Variants in LHX6 observed in about 807,000 individuals in gnomAD.
LHX6 encodes the protein LIM homeobox 6.
Under a neutral mutation model 47.1 loss-of-function variants are expected in LHX6, and 15 were observed. The ratio of observed to expected loss-of-function variants is 0.32; its 90% CI spans 0.21 to 0.49. The LOEUF is 0.49. Ranked by LOEUF, LHX6 falls within the 20% of genes least tolerant of loss-of-function variation. LHX6 has a pLI of 0.99. For missense variants in LHX6, 404 were observed against 539.6 expected, an observed-to-expected ratio of 0.75 and a Z score of 2.49; for synonymous variants, 242 against 233.5, an observed-to-expected ratio of 1.04 and a Z score of -0.33.
In LHX6 at chr9:122,213,845, C is replaced by G. The variant is rs1830483563; in HGVS notation, c.880-65G>C. The G allele has an allele frequency of 2.6e-6, 4 of 1,536,034 alleles. No homozygotes were observed. Among genetic ancestry groups the G allele is most frequent in the Non-Finnish European group, 2.6e-6 (3 of 1,138,626 alleles). On this transcript the variant is annotated intron_variant, in intron 7 of 9. Coordinates refer to ENST00000394319, the MANE Select transcript of LHX6 (RefSeq NM_014368.5). This position sits in a 1 kb window ranked among gnomAD's most constrained non-coding sequence, Gnocchi z 5.5. ...GAGTCGGACGCGCCGCCGGGAGACCCCAGGCGGGACTGCCTCGTCGCCTCC... is the reference window on the plus strand; with the variant it reads ...GAGTCGGACGCGCCGCCGGGAGACCGCAGGCGGGACTGCCTCGTCGCCTCC...
At position 122,226,610 on chromosome 9, in the gene LHX6, C is replaced by T. The variant is rs759175639; in HGVS notation, c.340-113G>A. 3 of 1,445,108 alleles carry T rather than the reference C, an allele frequency of 2.1e-6. No individual in the cohort carries two copies. The highest frequency in any genetic ancestry group is 9.3e-7 in the Non-Finnish European group (1 of 1,074,572). The allele number at this position is 1,445,108 out of a possible 1,614,324, so 89.5% of individuals were successfully genotyped here. ...GGCGCTGAAGCTCAGAAGGTGCATG[C>T]GATTCCCCTATTTTTCTCCCGTAAT... On this transcript the variant is annotated intron_variant, in intron 3 of 9. Transcript: ENST00000394319. This position sits in a 1 kb window ranked among gnomAD's most constrained non-coding sequence, Gnocchi z 6.5.
rs1830626772 is a variant in LHX6, at chr9:122,217,213, G to T, written c.537C>A (p.Asn179Lys). 2 of 1,614,180 alleles carry T rather than the reference G, an allele frequency of 1.2e-6. No individual in the cohort carries two copies. The highest frequency in any genetic ancestry group is 1.7e-6 in the Non-Finnish European group (2 of 1,180,036). Reference sequence around the variant, plus strand: ...AGGCGAAGCAGGCCAGGTGGTAGGCGTTGCCGCGAGCTCTCCGCACCCAGT... The same window carrying T: ...AGGCGAAGCAGGCCAGGTGGTAGGCTTTGCCGCGAGCTCTCCGCACCCAGT... The part of the protein sequence containing the change: ...ASDWVRRARG[N>K]AYHLACFACF... The change falls in exon 5 of 10, where the codon AAC (asparagine) becomes AAA (lysine). Residue 179 changes from asparagine (N) to lysine (K), a missense_variant. Transcript: ENST00000394319. This position sits in a 1 kb window ranked among gnomAD's most constrained non-coding sequence, Gnocchi z 4.9.
chr9:122,224,437 T>C (rs935633043), intron 4 of LHX6, among the ~76,000 whole-genome samples: 8 of 152,162 alleles, frequency 5.3e-5, no homozygotes, highest in East Asian at 1.9e-4. Flanking sequence ...GATGGGACAG[T>C]GAGAGGAGAC....
intron 9 of LHX6, among the ~76,000 whole-genome samples, chr9:122,207,084 G>A (rs140801233): frequency 6.6e-6 from 1 of 152,294 alleles, no homozygotes; most frequent in East Asian, 1.9e-4. Context: ...GATCATGTCA[G>A]CTCACTTCTG....
intron 9 of LHX6, among the ~76,000 whole-genome samples, chr9:122,207,429 T>G (rs1201704284): frequency 6.6e-6 from 1 of 152,210 alleles, no homozygotes; most frequent in Non-Finnish European, 1.5e-5. Flanking sequence ...GGAATCTGTT[T>G]ATCTCTTTAC....
At position 122,204,539 on chromosome 9, in the gene LHX6, G is replaced by A. The variant is rs534499780; in HGVS notation, c.*221C>T. 6 of 435,002 alleles carry A rather than the reference G, an allele frequency of 1.4e-5. No individual in the cohort carries two copies. In the East Asian group the frequency reaches 1.8e-4, roughly 13 times the overall value. 26.9% of individuals were successfully genotyped at this position (435,002 alleles called of 1,614,324 possible). ...CTGATTCCAGATTTCAGGGAGTTCT[G>A]CCTTCCAAGAGGAGGACTCTGTGGT... On this transcript the variant is annotated 3_prime_UTR_variant, in exon 10 of 10. Transcript: ENST00000394319.
rs571314738 is a variant in LHX6, at chr9:122,203,137, T to G, written c.*1623A>C. On this transcript the variant is annotated 3_prime_UTR_variant, in exon 10 of 10. Transcript: ENST00000394319. ...TGCCCTCAGTCAGCTGTCACTGTCT[T>G]TGGAAGGGAGAGGAAGCAGGTTCCC... 11 of 152,802 alleles carry G rather than the reference T, an allele frequency of 7.2e-5. No homozygotes were observed. The highest frequency in any genetic ancestry group is 1.6e-4 in the Non-Finnish European group (11 of 68,084). The allele number at this position is 152,802 out of a possible 1,614,324, so 9.5% of individuals were successfully genotyped here. A position where few individuals can be genotyped will look rare whatever the true frequency, so the allele number is the denominator to read the frequency against.
At chr9:122,221,280 T>C in intron 4 of LHX6, 1 of 985,212 alleles carries the variant, frequency 1.0e-6, no homozygotes, top group South Asian at 4.7e-5. Flanking sequence ...TTCTCGGAGG[T>C]CCCGGCCCCG....
intron 5 of LHX6, among the ~76,000 whole-genome samples, chr9:122,216,331 C>T (rs985844285): frequency 4.6e-5 from 7 of 152,334 alleles, no homozygotes; most frequent in African/African-American, 1.4e-4. Context: ...CATCTGTGAC[C>T]CTGTCCCCAG....
At chr9:122,208,009 A>G (rs946105439) in intron 9 of LHX6, among the ~76,000 whole-genome samples, 2 of 151,938 alleles carry the variant, frequency 1.3e-5, no homozygotes, top group African/African-American at 4.8e-5. Flanking sequence ...AGGGACTGCC[A>G]CACCCACTGA....
At chr9:122,220,104 G>A (rs1049873463) in intron 4 of LHX6, among the ~76,000 whole-genome samples, 4 of 152,210 alleles carry the variant, frequency 2.6e-5, no homozygotes, top group African/African-American at 9.6e-5. Flanking sequence ...GACTCTCCGC[G>A]CACCGCGATC....
Position 122,204,790 on chromosome 9 carries a change from G to A in LHX6, c.1159-10C>T. 1.3e-6 allele frequency: 2 copies of A among 1,573,362 alleles called. No individual in the cohort carries two copies. The highest frequency in any genetic ancestry group is 1.7e-6 in the Non-Finnish European group (2 of 1,158,276). On this transcript the variant is annotated splice_polypyrimidine_tract_variant and intron_variant, in intron 9 of 9. Coordinates refer to ENST00000394319, the MANE Select transcript of LHX6 (RefSeq NM_014368.5). ...ACTGAAAAAGGATGACCTGCAAGAGGAGGGCATGGGAGGTGGCTGAGCTGG... is the reference window on the plus strand; with the variant it reads ...ACTGAAAAAGGATGACCTGCAAGAGAAGGGCATGGGAGGTGGCTGAGCTGG...
At chr9:122,216,039 G>A (rs1588346950) in intron 5 of LHX6, among the ~76,000 whole-genome samples, 1 of 152,156 alleles carries the variant, frequency 6.6e-6, no homozygotes, top group East Asian at 1.9e-4. Flanking sequence ...TAGAGCTTAG[G>A]GCCAAGGTGG....
chr9:122,209,624 C>A lies in LHX6; in HGVS notation c.1148G>T (p.Arg383Leu), dbSNP rs774135453. ...KADMDGPLSN[R>L]GEKVILFQY ...CCTGGCTCCATTTACCTTCTCACCC[C>A]GGTTGGAGAGCGGCCCATCCATATC... is the stretch of plus-strand genomic sequence containing the variant. The change falls in exon 9 of 10, where the codon CGG (arginine) becomes CTG (leucine). Residue 383 changes from arginine to leucine, a missense_variant. Arg to Leu is a moderately radical substitution (Grantham distance 102). Transcript: ENST00000394319. The A allele has an allele frequency of 3.1e-6, 5 of 1,608,968 alleles. No individual in the cohort carries two copies.
chr9:122,222,460 TC>T (rs1423809928), intron 4 of LHX6, among the ~76,000 whole-genome samples: 1 of 152,090 alleles, frequency 6.6e-6, no homozygotes, highest in Non-Finnish European at 1.5e-5. Context: ...GAGGTAGAGA[TC>T]TGGATAAACG....
In LHX6 at chr9:122,209,733, T is replaced by G; in HGVS notation, c.1055-16A>C. On this transcript the variant is annotated splice_polypyrimidine_tract_variant and intron_variant, in intron 8 of 9. Transcript: ENST00000394319. ...TGTACCTGACCTGTGGACGAGAGGA[T>G]GCCTTGGAGCTCATCCCCCAGGCTG... is the stretch of plus-strand genomic sequence containing the variant. 1 of 802,284 alleles carries G rather than the reference T, an allele frequency of 1.2e-6. No individual in the cohort carries two copies. The highest frequency in any genetic ancestry group is 2.3e-6 in the Non-Finnish European group (1 of 440,414). The allele number at this position is 802,284 out of a possible 1,614,324, so 49.7% of individuals were successfully genotyped here.
Position 122,226,521 on chromosome 9 carries a change from G to A in LHX6, c.340-24C>T. 6.2e-7 allele frequency: 1 copy of A among 1,610,328 alleles called. No individual in the cohort carries two copies. The stretch of plus-strand genomic sequence containing the variant: ...ACCTGGGGACGGGGCGGGGACGGAG[G>A]TCGGCTCAGCGCGGGCCTCTTTCAC... On this transcript the variant is annotated intron_variant, in intron 3 of 9. Coordinates refer to ENST00000394319, the MANE Select transcript of LHX6 (RefSeq NM_014368.5). The surrounding 1 kb of genome is among the most constrained non-coding windows in gnomAD (Gnocchi z 6.5).
rs1336664886 is a variant in LHX6 at position 122,226,531 on chromosome 9, C to T, written c.340-34G>A. The T allele has an allele frequency of 6.2e-7, 1 of 1,601,856 alleles. No homozygotes were observed. On this transcript the variant is annotated intron_variant, in intron 3 of 9. Transcript: ENST00000394319. This position sits in a 1 kb window ranked among gnomAD's most constrained non-coding sequence, Gnocchi z 6.5. ...GGGGCGGGGACGGAGGTCGGCTCAGCGCGGGCCTCTTTCACTCCGGGCCCC... is the reference window on the plus strand; with the variant it reads ...GGGGCGGGGACGGAGGTCGGCTCAGTGCGGGCCTCTTTCACTCCGGGCCCC...
At chr9:122,209,745 C>A in intron 8 of LHX6, 28 bp from the exon 9 acceptor site, 2 of 780,948 alleles carry the variant, frequency 2.6e-6, no homozygotes, top group Non-Finnish European at 4.7e-6. Context: ...CCTTGGAGCT[C>A]ATCCCCCAGG....
Sources: allele counts gnomAD v4.1 joint callset (sites outside exome capture counted in the v4.1 genomes callset), GRCh38; gene constraint gnomAD v4.1.1; non-coding constraint Gnocchi (gnomAD v3.1); transcripts MANE v1.5; gene names NCBI Gene and HGNC (gene_info 2026-07-23, HGNC 2026-07-21).